The following RARB variants were observed in gnomAD, a reference collection of about 807,000 sequenced individuals.
The protein encoded by RARB is HBV-activated protein.
In RARB, 17 loss-of-function variants were observed where a neutral mutation model predicts 51.9. The observed-to-expected ratio is 0.33, with a 90% CI of 0.22 to 0.49. The LOEUF (loss-of-function observed/expected upper bound fraction) is 0.49, where lower values mean the gene tolerates loss of function less well. Ranked by LOEUF, RARB falls within the 20% of genes least tolerant of loss-of-function variation. The pLI, the probability that RARB is intolerant of heterozygous loss-of-function variation, is 0.99. For missense variants in RARB, 369 were observed against 550.8 expected, an observed-to-expected ratio of 0.67 and a Z score of 3.30; for synonymous variants, 215 against 195.4, an observed-to-expected ratio of 1.10 and a Z score of -0.84.
chr3:25,028,645 G>A (rs1575125756), intron 2 of RARB, among the ~76,000 whole-genome samples: 1 of 152,280 alleles, frequency 6.6e-6, no homozygotes, highest in African/African-American at 2.4e-5. Context: ...AAGTGTGTGA[G>A]GATAAAGGGT....
At chr3:25,369,837 G>A (rs1261197075) in intron 5 of RARB, among the ~76,000 whole-genome samples, 5 of 152,048 alleles carry the variant, frequency 3.3e-5, no homozygotes, top group African/African-American at 7.2e-5. Context: ...CAGGAGAATC[G>A]CTTGAACCCG....
intron 2 of RARB, among the ~76,000 whole-genome samples, chr3:24,908,663 GTTTTTT>G (rs59008287): frequency 1.4e-4 from 13 of 93,448 alleles, no homozygotes; most frequent in South Asian, 4.3e-4. Context: ...AACCACAACT[GTTTTTT>G]TTTTTTTTTT....
intron 3 of RARB, among the ~76,000 whole-genome samples, chr3:25,512,229 T>C (rs1438069643): frequency 6.6e-6 from 1 of 152,196 alleles, no homozygotes; most frequent in African/African-American, 2.4e-5. Flanking sequence ...GATTGGTGTA[T>C]TCATTCATCA....
At chr3:25,308,053 G>C (rs1688256314) in intron 5 of RARB, among the ~76,000 whole-genome samples, 1 of 152,122 alleles carries the variant, frequency 6.6e-6, no homozygotes, top group Admixed American at 6.5e-5. Context: ...CTCTGAAACT[G>C]TCCCCTAAAT....
At chr3:25,438,320 A>G (rs949847752) in intron 1 of RARB, among the ~76,000 whole-genome samples, 2 of 151,076 alleles carry the variant, frequency 1.3e-5, no homozygotes, top group African/African-American at 2.4e-5. Context: ...AAGCAGACAC[A>G]GGGCCAGCCC....
At chr3:24,947,653 C>T (rs767080726) in intron 2 of RARB, among the ~76,000 whole-genome samples, 1 of 152,162 alleles carries the variant, frequency 6.6e-6, no homozygotes, top group Non-Finnish European at 1.5e-5. Flanking sequence ...ATTCTCCATC[C>T]ACTCTGGTAT....
At chr3:25,397,836 T>C (rs1307835104) in intron 5 of RARB, among the ~76,000 whole-genome samples, 1 of 151,932 alleles carries the variant, frequency 6.6e-6, no homozygotes, top group African/African-American at 2.4e-5. Flanking sequence ...ACAGTCCTTT[T>C]CCAGCTCAAA....
chr3:25,472,394 C>A (rs1351485631), intron 2 of RARB, among the ~76,000 whole-genome samples: 10 of 152,186 alleles, frequency 6.6e-5, no homozygotes. Flanking sequence ...GTGACCAAAA[C>A]CAACTGCAAA....
At position 25,384,022 on chromosome 3, in the gene RARB, TG is replaced by T. The variant is rs1180637588; in HGVS notation, c.179-77168del. Among the ~76,000 whole-genome samples the T allele has an allele frequency of 2.0e-5, 3 of 152,234 alleles. No homozygotes were observed. In the East Asian group the frequency reaches 5.8e-4, roughly 29 times the overall value. ...CAGATCTGTAAGATCATTTTTTAGT[TG>T]GGTGTTTAGAGTGAGTTTCATTTGG... is the stretch of plus-strand genomic sequence containing the variant. On this transcript the variant is annotated intron_variant, in intron 5 of 11. Coordinates refer to the RARB transcript ENST00000383772.
rs547041265 is a variant in RARB, at chr3:24,843,534, A to C, written c.-459+14131A>C. Among the ~76,000 whole-genome samples, 59 of 152,192 alleles carry C rather than the reference A, an allele frequency of 3.9e-4. 1 individual carries two copies. The highest frequency in any genetic ancestry group is 4.4e-5 in the Non-Finnish European group (3 of 68,030). Reference sequence around the variant, plus strand: ...GGGTCCATTTTAAAGTGAGTTCCACACACTCATTTCCCTCATATAGATTTG... The same window carrying C: ...GGGTCCATTTTAAAGTGAGTTCCACCCACTCATTTCCCTCATATAGATTTG... On this transcript the variant is annotated intron_variant, in intron 1 of 11. Transcript: ENST00000383772.
intron 5 of RARB, among the ~76,000 whole-genome samples, chr3:25,230,619 G>A (rs1244542183): frequency 1.3e-5 from 2 of 151,708 alleles, no homozygotes; most frequent in Non-Finnish European, 2.9e-5. Flanking sequence ...ATTCTTATAG[G>A]CATTATATAC....
intron 1 of RARB, among the ~76,000 whole-genome samples, chr3:25,453,243 C>CTTTTTT (rs758275411): frequency 1.2e-5 from 1 of 81,984 alleles, no homozygotes; most frequent in Non-Finnish European, 2.2e-5. Context: ...CAAGATTCTG[C>CTTTTTT]TTTTTTTTTT....
intron 2 of RARB, among the ~76,000 whole-genome samples, chr3:24,988,036 A>C (rs1415239333): frequency 3.3e-5 from 5 of 152,040 alleles, no homozygotes; most frequent in Non-Finnish European, 7.4e-5. Context: ...AGAGTGCTTG[A>C]GAAATTGTCT....
intron 5 of RARB, among the ~76,000 whole-genome samples, chr3:25,366,604 C>A (rs887514923): frequency 2.0e-5 from 3 of 152,158 alleles, no homozygotes; most frequent in Non-Finnish European, 4.4e-5. Flanking sequence ...AGGGCACAAT[C>A]AAAATATTTT....
chr3:25,282,616 T>G (rs1006079660), intron 5 of RARB, among the ~76,000 whole-genome samples: 3 of 152,194 alleles, frequency 2.0e-5, no homozygotes, highest in Non-Finnish European at 4.4e-5. Flanking sequence ...AGATGGTGCT[T>G]GATAAATATT....
At chr3:24,925,318 T>G (rs946220255) in intron 2 of RARB, among the ~76,000 whole-genome samples, 3 of 152,030 alleles carry the variant, frequency 2.0e-5, no homozygotes, top group African/African-American at 7.2e-5. Flanking sequence ...CAGATTAATA[T>G]TTTGCCATTT....
At chr3:25,178,991 C>G (rs77277307) in intron 5 of RARB, among the ~76,000 whole-genome samples, 1 of 152,152 alleles carries the variant, frequency 6.6e-6, no homozygotes, top group Non-Finnish European at 1.5e-5. Context: ...GAATCTCTCT[C>G]AAAATGATCT....
At chr3:25,058,545 A>G (rs1698485832) in intron 2 of RARB, among the ~76,000 whole-genome samples, 1 of 151,892 alleles carries the variant, frequency 6.6e-6, no homozygotes. Flanking sequence ...AAAACCAAGT[A>G]AAAAGCAAAT....
At chr3:24,933,026 C>A (rs1350953061) in intron 2 of RARB, among the ~76,000 whole-genome samples, 1 of 151,838 alleles carries the variant, frequency 6.6e-6, no homozygotes, top group Non-Finnish European at 1.5e-5. Flanking sequence ...TAAAATGTAA[C>A]CCAGATTTGT....
Sources: gnomAD v4.1 joint callset for allele counts (sites outside exome capture counted in the v4.1 genomes callset) on GRCh38, gnomAD v4.1.1 for gene constraint, MANE v1.5 for transcripts, NCBI Gene and HGNC (gene_info 2026-07-23, HGNC 2026-07-21) for gene names.